Variants in LYRM4 observed in about 807,000 individuals in gnomAD.
The protein encoded by LYRM4 is LYR motif containing 4.
A neutral mutation model predicts 11.7 loss-of-function variants in LYRM4; 9 were observed. The ratio of observed to expected loss-of-function variants is 0.77; its 90% confidence interval spans 0.46 to 1.34. The LOEUF is 1.34. Ranked by LOEUF, LYRM4 falls within the 40% of genes most tolerant of loss-of-function variation. The pLI is 0.00. For missense variants in LYRM4, 133 were observed against 112.5 expected (o/e 1.18, Z -0.82); for synonymous variants, 42 against 40.4 (o/e 1.04, Z -0.15).
intron 2 of LYRM4, among the ~76,000 whole-genome samples, chr6:5,208,153 G>A (rs1161942483): frequency 2.0e-5 from 3 of 152,188 alleles, no homozygotes; most frequent in African/African-American, 7.2e-5. Flanking sequence ...TACAGTGTGT[G>A]GTGCACAGTG....
chr6:5,032,270 A>G, the LYRM4 span: 1 of 152,358 alleles, frequency 6.6e-6, no homozygotes, highest in Admixed American at 6.5e-5. Context: ...GGCTGTAAGA[A>G]GGAGCAAGTT....
At chr6:5,086,552 A>C in the LYRM4 span, 6 of 1,523,154 alleles carry the variant, frequency 3.9e-6, no homozygotes, top group Middle Eastern at 1.7e-4. Flanking sequence ...CGCCCTGCGG[A>C]CGCGCTCTGA....
the LYRM4 span, among the ~76,000 whole-genome samples, chr6:5,037,009 A>ATTTTTTTTTTTTTTTTTTT: frequency 3.5e-5 from 1 of 28,724 alleles, no homozygotes; most frequent in African/African-American, 1.3e-4. Context: ...TTTAGCTTGT[A>ATTTTTTTTTTTTTTTTTTT]TTTTTTTTTT....
At chr6:5,141,390 G>C (rs933155827) in intron 2 of LYRM4, among the ~76,000 whole-genome samples, 1 of 152,136 alleles carries the variant, frequency 6.6e-6, no homozygotes, top group Non-Finnish European at 1.5e-5. Context: ...TGATTTCTCA[G>C]GTCCCTGCTG....
chr6:5,066,195 C>T, the LYRM4 span: 1,534 of 696,048 alleles, frequency 2.2e-3, 17 homozygotes, highest in South Asian at 0.014. Flanking sequence ...CCTCCATGTG[C>T]AGAACCTTAA....
intron 2 of LYRM4, among the ~76,000 whole-genome samples, chr6:5,175,429 C>A (rs899171324): frequency 6.6e-6 from 1 of 152,142 alleles, no homozygotes; most frequent in South Asian, 2.1e-4. Flanking sequence ...CTTTCCTGCT[C>A]GACCTGTGGA....
the LYRM4 span, among the ~76,000 whole-genome samples, chr6:5,071,586 ATGTGTATGTGTGTGTATGTATGTGTG>A: frequency 8.6e-5 from 13 of 151,028 alleles, 1 homozygote; most frequent in Middle Eastern, 0.014. Context: ...ATATATGTGT[ATGTGTATGTGTGTGTATGTATGTGTG>A]TGTGTATGTA....
intron 1 of LYRM4, among the ~76,000 whole-genome samples, chr6:5,240,173 T>G (rs937545232): frequency 1.3e-5 from 2 of 152,110 alleles, no homozygotes; most frequent in Non-Finnish European, 2.9e-5. Context: ...TTACAGTACA[T>G]CCAACCTTTC....
the LYRM4 span, among the ~76,000 whole-genome samples, chr6:5,091,814 G>A: frequency 2.0e-5 from 3 of 152,270 alleles, no homozygotes; most frequent in South Asian, 4.1e-4. Context: ...TACAAACCAC[G>A]CATATACATA....
At chr6:5,095,812 T>C in the LYRM4 span, among the ~76,000 whole-genome samples, 1 of 151,754 alleles carries the variant, frequency 6.6e-6, no homozygotes, top group Admixed American at 6.6e-5. Flanking sequence ...AAACCTCATC[T>C]CTACTAAAAA....
At chr6:5,167,052 TCCTGTTG>T (rs1759127395) in intron 2 of LYRM4, among the ~76,000 whole-genome samples, 1 of 152,122 alleles carries the variant, frequency 6.6e-6, no homozygotes, top group African/African-American at 2.4e-5. Flanking sequence ...TTCCAGAAGT[TCCTGTTG>T]CCTGAATGAT....
At chr6:5,168,942 C>T (rs914046974) in intron 2 of LYRM4, among the ~76,000 whole-genome samples, 2 of 152,068 alleles carry the variant, frequency 1.3e-5, no homozygotes, top group Admixed American at 1.3e-4. Context: ...TGTGAATGAG[C>T]AAGACCTGGC....
intron 1 of LYRM4, among the ~76,000 whole-genome samples, chr6:5,256,467 G>A: frequency 8.8e-6 from 1 of 113,104 alleles, no homozygotes; most frequent in East Asian, 2.8e-4. Flanking sequence ...TCCAGCCTGG[G>A]CAACAAGGGC....
intron 2 of LYRM4, among the ~76,000 whole-genome samples, chr6:5,124,393 T>C (rs1289250076): frequency 6.6e-6 from 1 of 152,206 alleles, no homozygotes; most frequent in Non-Finnish European, 1.5e-5. Context: ...TACTTCCTAG[T>C]TTTTAGAAAA....
At chr6:5,041,163 CAA>C in the LYRM4 span, among the ~76,000 whole-genome samples, 1 of 138,410 alleles carries the variant, frequency 7.2e-6, no homozygotes. Context: ...AGACTCGTCT[CAA>C]AAAAAAAAAA....
At chr6:5,145,184 A>T (rs1467738973) in intron 2 of LYRM4, among the ~76,000 whole-genome samples, 1 of 152,178 alleles carries the variant, frequency 6.6e-6, no homozygotes, top group African/African-American at 2.4e-5. Context: ...GACAGGTCAT[A>T]TGAGTTGGAA....
At chr6:5,165,323 A>G (rs1004723646) in intron 2 of LYRM4, among the ~76,000 whole-genome samples, 3 of 152,202 alleles carry the variant, frequency 2.0e-5, no homozygotes, top group African/African-American at 4.8e-5. Context: ...CTGTAATGCA[A>G]TATCATAAAA....
chr6:5,057,262 G>A, the LYRM4 span, among the ~76,000 whole-genome samples: 3 of 152,184 alleles, frequency 2.0e-5, no homozygotes, highest in African/African-American at 7.2e-5. Flanking sequence ...CTAGCCTGCT[G>A]TCATTGCTAA....
chr6:5,185,077 CT>C (rs1760306569), intron 2 of LYRM4, among the ~76,000 whole-genome samples: 1 of 152,240 alleles, frequency 6.6e-6, no homozygotes, highest in Admixed American at 6.5e-5. Context: ...TCCCCAGCCC[CT>C]GTACTTACTT....
Sources: gnomAD v4.1 joint callset for allele counts (sites outside exome capture counted in the v4.1 genomes callset) on GRCh38, gnomAD v4.1.1 for gene constraint, MANE v1.5 for transcripts, NCBI Gene and HGNC (gene_info 2026-07-23, HGNC 2026-07-21) for gene names.